Variants in LIPT1 observed in about 807,000 individuals in gnomAD.
The protein encoded by LIPT1 is lipoyl amidotransferase LIPT1, mitochondrial.
In LIPT1, 22 loss-of-function variants were observed where a neutral mutation model predicts 25.1. That is an observed-to-expected ratio of 0.88 (90% CI 0.63 to 1.25). The LOEUF is 1.25. Ranked by LOEUF, LIPT1 falls within the 50% of genes most tolerant of loss-of-function variation. The probability of loss-of-function intolerance (pLI) is 0.00; values close to 1 mark genes in which losing one functional copy is unlikely to be tolerated. For synonymous variants in LIPT1, 131 were observed against 150.8 expected, an observed-to-expected ratio of 0.87 and a Z score of 0.96; for missense variants, 399 against 432.8, an observed-to-expected ratio of 0.92 and a Z score of 0.69.
chr2:99,160,965 T>C (rs1006793109), intron 1 of LIPT1, among the ~76,000 whole-genome samples: 12 of 151,984 alleles, frequency 7.9e-5, no homozygotes, highest in African/African-American at 2.7e-4. Flanking sequence ...TTAAAGCTGA[T>C]GCAAAATAGA....
intron 1 of LIPT1, among the ~76,000 whole-genome samples, chr2:99,158,487 G>A (rs2093767482): frequency 6.6e-6 from 1 of 151,966 alleles, no homozygotes; most frequent in Admixed American, 6.6e-5. Context: ...GCTAAAGGGG[G>A]AGGATTGCTT....
chr2:99,157,935 T>A (rs899692068), intron 1 of LIPT1, among the ~76,000 whole-genome samples: 9 of 152,168 alleles, frequency 5.9e-5, no homozygotes, highest in Non-Finnish European at 1.2e-4. Context: ...ATTTCACCTC[T>A]TTGCCAGGCC....
In LIPT1 at chr2:99,162,313, CA is replaced by C. The variant is rs2093800559; in HGVS notation, c.358del (p.Thr120ProfsTer11). The C allele has an allele frequency of 6.2e-7, 1 of 1,612,126 alleles. No individual in the cohort carries two copies. The highest frequency in any genetic ancestry group is 8.5e-7 in the Non-Finnish European group (1 of 1,179,648). ...GGTAATATCAATTTGACTTTCTTTACAACCAAAAAAAAGTATGATAGAATGG... is the reference window on the plus strand; with the variant it reads ...GGTAATATCAATTTGACTTTCTTTACACCAAAAAAAAGTATGATAGAATGG... ...DMGNINLTFF[T>X]TKKKYDRMEN... On this transcript the variant is annotated frameshift_variant, in exon 2 of 2. Coordinates refer to ENST00000651691, the MANE Select transcript of LIPT1 (RefSeq NM_145199.3). LOFTEE classifies it high-confidence loss of function.
At chr2:99,159,691 CTTG>C (rs2093774099) in intron 1 of LIPT1, among the ~76,000 whole-genome samples, 1 of 152,128 alleles carries the variant, frequency 6.6e-6, no homozygotes, top group African/African-American at 2.4e-5. Context: ...TCCATAAATA[CTTG>C]TTGAATGAAT....
chr2:99,155,673 CTG>C, intron 1 of LIPT1: 2 of 391,232 alleles, frequency 5.1e-6, no homozygotes, highest in South Asian at 3.8e-5. Context: ...ATCCCAACGA[CTG>C]TGAAATATCC....
At position 99,162,244 on chromosome 2, in the gene LIPT1, T is replaced by C; in HGVS notation, c.287T>C (p.Leu96Pro). Residue 96 changes from leucine (L) to proline (P), a missense_variant, in exon 2 of 2, where the codon CTG becomes CCG. By Grantham distance (98) the Leu-to-Pro change is moderately conservative. Transcript: ENST00000651691. ...LNLMREEGIK[L>P]ARRRSGGGTV... ...CTAATGAGAGAAGAAGGTATAAAACTGGCTCGGAGAAGAAGTGGAGGAGGA... is the reference window on the plus strand; with the variant it reads ...CTAATGAGAGAAGAAGGTATAAAACCGGCTCGGAGAAGAAGTGGAGGAGGA... 1.2e-6 allele frequency: 2 copies of C among 1,613,664 alleles called. No individual in the cohort carries two copies. Among genetic ancestry groups the C allele is most frequent in the South Asian group, 2.2e-5 (2 of 91,088 alleles).
At chr2:99,155,484 C>T (rs1269340757) in intron 1 of LIPT1, 2 of 455,910 alleles carry the variant, frequency 4.4e-6, no homozygotes, top group African/African-American at 4.0e-5. Context: ...GCTTTCAGTT[C>T]AGTGATGGGG....
chr2:99,155,918 A>G (rs2093747447), intron 1 of LIPT1, among the ~76,000 whole-genome samples: 2 of 152,214 alleles, frequency 1.3e-5, no homozygotes, highest in Admixed American at 6.5e-5. Context: ...TCACCAAGCA[A>G]ACTTAAGAGT....
rs773121905 is a variant in LIPT1 at position 99,162,611 on chromosome 2, G to C, written c.654G>C (p.Lys218Asn). 3.7e-5 allele frequency: 59 copies of C among 1,614,104 alleles called. No individual in the cohort carries two copies. Among genetic ancestry groups the C allele is most frequent in the Non-Finnish European group, 4.7e-5 (55 of 1,180,022 alleles). Residue 218 changes from lysine to asparagine, a missense_variant, in exon 2 of 2, where the codon AAG (lysine) becomes AAC (asparagine). Physicochemically the swap from Lys to Asn is moderately conservative, Grantham distance 94. Coordinates refer to ENST00000651691, the MANE Select transcript of LIPT1 (RefSeq NM_145199.3). ...IPSLVKNLLE[K>N]DPTLTCEVLM... ...CCTTAGTGAAAAATCTTTTGGAAAAGGATCCCACTCTGACCTGTGAAGTAC... is the reference window on the plus strand; with the variant it reads ...CCTTAGTGAAAAATCTTTTGGAAAACGATCCCACTCTGACCTGTGAAGTAC...
chr2:99,155,101 G>T, intron 1 of LIPT1, 50 bp downstream of exon 1: 2 of 453,202 alleles, frequency 4.4e-6, no homozygotes, highest in South Asian at 1.6e-5. Flanking sequence ...GCCGTAGCGC[G>T]TGGGCGGCCG....
In LIPT1 at chr2:99,162,432, C is replaced by T. The variant is rs770926055; in HGVS notation, c.475C>T (p.Gln159Ter). ...AAGATTTGACCTTTTACTTGATGGA[C>T]AGTTTAAAATCTCAGGAACAGCTTC... ...TKRFDLLLDGQFKISGTASKI... is the reference protein window; with the variant it reads ...TKRFDLLLDG Residue 159 changes from glutamine (Q) to a stop codon, truncating the protein, a stop_gained, in exon 2 of 2, where the codon CAG (glutamine) becomes TAG (stop). Transcript: ENST00000651691. LOFTEE classifies it high-confidence loss of function. The T allele has an allele frequency of 3.1e-6, 5 of 1,613,842 alleles. No homozygotes were observed. Among genetic ancestry groups the T allele is most frequent in the Non-Finnish European group, 4.2e-6 (5 of 1,180,040 alleles).
chr2:99,155,012 C>T lies in LIPT1; in HGVS notation c.-41C>T, dbSNP rs1234861064. On this transcript the variant is annotated 5_prime_UTR_variant, in exon 1 of 2. Transcript: ENST00000651691. ...GGTCGTATGACGCACTTTTCCAGCT[C>T]GAGCCCTCACGAGGCCGTGGGTACG... 6.6e-6 allele frequency: 3 copies of T among 455,864 alleles called. No homozygotes were observed. Among genetic ancestry groups the T allele is most frequent in the African/African-American group, 4.0e-5 (2 of 50,068 alleles). 28.2% of individuals were successfully genotyped at this position (455,864 alleles called of 1,614,324 possible). A position where few individuals can be genotyped will look rare whatever the true frequency, so the allele number is the denominator to read the frequency against.
chr2:99,158,451 A>AG (rs70940144), intron 1 of LIPT1, among the ~76,000 whole-genome samples: 1 of 150,890 alleles, frequency 6.6e-6, no homozygotes, highest in Non-Finnish European at 1.5e-5. Flanking sequence ...AAAAAAAAAA[A>AG]TAGCCAGGCG....
chr2:99,159,492 G>A (rs569495940), intron 1 of LIPT1, among the ~76,000 whole-genome samples: 51 of 152,184 alleles, frequency 3.4e-4, no homozygotes, highest in Non-Finnish European at 6.5e-4. Context: ...CCTGTCCCTA[G>A]TCCATCCTTT....
At chr2:99,156,732 T>G (rs1428788410) in intron 1 of LIPT1, 3 of 152,372 alleles carry the variant, frequency 2.0e-5, no homozygotes, top group South Asian at 2.1e-4. Flanking sequence ...TGAAGAGAGA[T>G]ATTTTTAGCA....
intron 1 of LIPT1, among the ~76,000 whole-genome samples, chr2:99,157,166 T>C (rs1420880417): frequency 6.6e-6 from 1 of 152,264 alleles, no homozygotes; most frequent in Non-Finnish European, 1.5e-5. Flanking sequence ...TGCCACACTC[T>C]GCACATGCAG....
At chr2:99,160,807 A>G (rs1051852855) in intron 1 of LIPT1, among the ~76,000 whole-genome samples, 4 of 152,194 alleles carry the variant, frequency 2.6e-5, no homozygotes, top group Non-Finnish European at 4.4e-5. Context: ...ACAGGAAATT[A>G]TTTTTAAAGT....
chr2:99,156,889 CTT>C lies in LIPT1; in HGVS notation c.-2+1840_-2+1841del, dbSNP rs2093759844. Reference sequence around the variant, plus strand: ...ACTTTGATGTGTCTTGGTTAGGAATCTTTGTTCACTTGAGGGAATACATGGTA... The same window carrying C: ...ACTTTGATGTGTCTTGGTTAGGAATCTGTTCACTTGAGGGAATACATGGTA... On this transcript the variant is annotated intron_variant, in intron 1 of 1. Coordinates refer to ENST00000651691, the MANE Select transcript of LIPT1 (RefSeq NM_145199.3). The C allele has an allele frequency of 7.9e-5, 12 of 152,290 alleles. No individual in the cohort carries two copies. In the South Asian group the frequency reaches 2.5e-3, roughly 32 times the overall value. The allele number at this position is 152,290 out of a possible 1,614,324, so 9.4% of individuals were successfully genotyped here.
At chr2:99,158,500 G>A (rs979313705) in intron 1 of LIPT1, among the ~76,000 whole-genome samples, 4 of 151,440 alleles carry the variant, frequency 2.6e-5, no homozygotes, top group African/African-American at 7.3e-5. Context: ...GATTGCTTGA[G>A]CCCAGGAGGT....
Sources: gnomAD v4.1 joint callset for allele counts (sites outside exome capture counted in the v4.1 genomes callset) on GRCh38, gnomAD v4.1.1 for gene constraint, MANE v1.5 for transcripts, NCBI Gene and HGNC (gene_info 2026-07-23, HGNC 2026-07-21) for gene names.